The following CDC42BPA variants were observed in gnomAD, a reference collection of about 807,000 sequenced individuals.
CDC42BPA encodes the protein CDC42 binding protein kinase alpha, also known as serine/threonine-protein kinase MRCK alpha.
Under a neutral mutation model 223.5 loss-of-function variants are expected in CDC42BPA, and 80 were observed. That is an observed-to-expected ratio of 0.36 (90% CI 0.30 to 0.43). The LOEUF (loss-of-function observed/expected upper bound fraction) is 0.43, where lower values mean the gene tolerates loss of function less well. Among genes scored for constraint, CDC42BPA ranks in the 20% least tolerant of loss-of-function variants. The pLI is 1.00. For synonymous variants in CDC42BPA, 694 were observed against 718.6 expected, an observed-to-expected ratio of 0.97 and a Z score of 0.55; for missense variants, 1,743 against 2,099.9, an observed-to-expected ratio of 0.83 and a Z score of 3.32.
chr1:226,990,235 A>G lies in CDC42BPA; in HGVS notation c.*4033T>C, dbSNP rs1660562189. On this transcript the variant is annotated 3_prime_UTR_variant, in exon 37 of 37. Coordinates refer to ENST00000366766, the MANE Select transcript of CDC42BPA (RefSeq NM_001394014.1). ...AATGAATGATATTACACTATCAAAT[A>G]AAAAGACAAGTCATTTTGTTTTCAT... The G allele has an allele frequency of 6.6e-6, 1 of 152,368 alleles. No individual in the cohort carries two copies. Among genetic ancestry groups the G allele is most frequent in the Middle Eastern group, 3.4e-3 (1 of 294 alleles). 9.4% of individuals were successfully genotyped at this position (152,368 alleles called of 1,614,324 possible).
chr1:227,109,581 G>A (rs1255679455), intron 14 of CDC42BPA, among the ~76,000 whole-genome samples: 1 of 151,954 alleles, frequency 6.6e-6, no homozygotes, highest in Non-Finnish European at 1.5e-5. Context: ...GGCCAGGCTG[G>A]TCTCAAACTC....
chr1:227,160,518 T>C (rs1344908513), intron 6 of CDC42BPA, 25 bp downstream of exon 6: 1 of 1,387,818 alleles, frequency 7.2e-7, no homozygotes, highest in Non-Finnish European at 1.0e-6. Context: ...GTGAACAAAA[T>C]AATTTAGGAT....
At chr1:227,105,304 C>A (rs1375235148) in intron 14 of CDC42BPA, among the ~76,000 whole-genome samples, 8 of 151,856 alleles carry the variant, frequency 5.3e-5, no homozygotes, top group African/African-American at 1.9e-4. Context: ...CCCACTCCAC[C>A]CAAACCCTGG....
intron 15 of CDC42BPA, among the ~76,000 whole-genome samples, chr1:227,092,785 C>G (rs1181802468): frequency 6.6e-6 from 1 of 152,048 alleles, no homozygotes; most frequent in African/African-American, 2.4e-5. Flanking sequence ...CCAGATTCCC[C>G]AATTGTAAAT....
rs892160735 is a variant in CDC42BPA, at chr1:227,127,419, A to G, written c.1513+1690T>C. 2.0e-5 allele frequency among the ~76,000 whole-genome samples: 3 copies of G among 152,258 alleles called. No homozygotes were observed. In the East Asian group the frequency reaches 5.8e-4, roughly 29 times the overall value. ...TCTATTTCAAGGCAGTTTTAAAATT[A>G]ATTAGCAAGCTTTCAAAAGCTACTG... On this transcript the variant is annotated intron_variant, in intron 11 of 36. Transcript: ENST00000366766.
At chr1:227,069,898 T>C in intron 20 of CDC42BPA, 45 bp from the exon 21 acceptor site, 1 of 1,292,044 alleles carries the variant, frequency 7.7e-7, no homozygotes, top group Non-Finnish European at 1.1e-6. Context: ...ACAATTAAAA[T>C]TGATTTTAAT....
At chr1:227,279,600 A>G (rs1038316932) in intron 1 of CDC42BPA, among the ~76,000 whole-genome samples, 4 of 152,134 alleles carry the variant, frequency 2.6e-5, no homozygotes, top group Non-Finnish European at 5.9e-5. Flanking sequence ...ATTCCAAAAG[A>G]TATATTTAAC....
rs563323437 is a variant in CDC42BPA at position 227,183,862 on chromosome 1, A to G, written c.599+9924T>C. Among the ~76,000 whole-genome samples the G allele has an allele frequency of 2.7e-4, 41 of 152,326 alleles. 1 individual carries two copies. In the South Asian group the frequency reaches 8.3e-3, roughly 31 times the overall value. ...CTCCATATCCTTGCTAGCATTTAGT[A>G]TTAGCTACTTTTTATTTTAACTGTT... On this transcript the variant is annotated intron_variant, in intron 5 of 36. Coordinates refer to ENST00000366766, the MANE Select transcript of CDC42BPA (RefSeq NM_001394014.1).
intron 6 of CDC42BPA, among the ~76,000 whole-genome samples, chr1:227,154,213 A>G (rs1662309431): frequency 6.6e-6 from 1 of 152,000 alleles, no homozygotes; most frequent in Admixed American, 6.6e-5. Context: ...ATTTAGTTAC[A>G]ACCAGAATCA....
chr1:227,221,371 C>T (rs140241327), intron 2 of CDC42BPA, among the ~76,000 whole-genome samples: 33 of 152,238 alleles, frequency 2.2e-4, no homozygotes, highest in African/African-American at 7.9e-4. Flanking sequence ...TTTGTAGTTG[C>T]CTACTGGTCA....
intron 1 of CDC42BPA, among the ~76,000 whole-genome samples, chr1:227,303,009 T>TTG (rs1455122529): frequency 1.2e-5 from 1 of 86,152 alleles, no homozygotes; most frequent in Admixed American, 1.4e-4. Flanking sequence ...TTTTTTGGGT[T>TTG]TTTTTTTTTT....
chr1:227,302,542 T>C (rs923945370), intron 1 of CDC42BPA, among the ~76,000 whole-genome samples: 4 of 152,196 alleles, frequency 2.6e-5, no homozygotes, highest in South Asian at 2.1e-4. Context: ...TGGGGTCTCT[T>C]GTTTGTCCCC....
chr1:227,070,650 G>A (rs530780106), intron 20 of CDC42BPA, among the ~76,000 whole-genome samples: 20 of 151,876 alleles, frequency 1.3e-4, no homozygotes, highest in Middle Eastern at 3.4e-3. Flanking sequence ...TTGAGAGTGT[G>A]CCAGACACTG....
chr1:227,280,387 C>G (rs1687816116), intron 1 of CDC42BPA, among the ~76,000 whole-genome samples: 1 of 152,200 alleles, frequency 6.6e-6, no homozygotes, highest in Admixed American at 6.5e-5. Context: ...CAACACAAGA[C>G]AGTACCATGG....
intron 1 of CDC42BPA, among the ~76,000 whole-genome samples, chr1:227,305,708 G>A (rs550507985): frequency 4.6e-5 from 7 of 152,216 alleles, no homozygotes; most frequent in Non-Finnish European, 7.3e-5. Context: ...GCTCACGCCT[G>A]TAATCTCAGC....
chr1:227,075,744 A>T (rs1421643502), intron 17 of CDC42BPA, among the ~76,000 whole-genome samples: 1 of 152,148 alleles, frequency 6.6e-6, no homozygotes, highest in Non-Finnish European at 1.5e-5. Context: ...TACAAAAAAG[A>T]TACTTATATA....
chr1:227,009,459 AG>A (rs1664746418), intron 34 of CDC42BPA, among the ~76,000 whole-genome samples: 2 of 152,160 alleles, frequency 1.3e-5, no homozygotes. Flanking sequence ...CCTAAGCTGG[AG>A]TGCAGTGGTG....
At chr1:227,092,250 T>C (rs975023349) in intron 15 of CDC42BPA, among the ~76,000 whole-genome samples, 9 of 152,304 alleles carry the variant, frequency 5.9e-5, no homozygotes, top group African/African-American at 2.2e-4. Flanking sequence ...CAAGGAATTG[T>C]TGCAGGTCTT....
intron 2 of CDC42BPA, among the ~76,000 whole-genome samples, chr1:227,240,439 C>T (rs1050504629): frequency 2.6e-5 from 4 of 151,800 alleles, no homozygotes; most frequent in African/African-American, 9.7e-5. Context: ...CAAAAGTCTT[C>T]GAATAATTAA....
Sources: gnomAD v4.1 joint callset for allele counts (sites outside exome capture counted in the v4.1 genomes callset) on GRCh38, gnomAD v4.1.1 for gene constraint, MANE v1.5 for transcripts, NCBI Gene and HGNC (gene_info 2026-07-23, HGNC 2026-07-21) for gene names.